The following SEMA4F variants were observed in gnomAD, a reference collection of about 807,000 sequenced individuals.
SEMA4F encodes ssemaphorin 4F.
A neutral mutation model predicts 78.4 loss-of-function variants in SEMA4F; 51 were observed. The observed-to-expected ratio is 0.65, with a 90% CI of 0.52 to 0.82. The LOEUF (loss-of-function observed/expected upper bound fraction) is 0.82. Ranked by LOEUF, SEMA4F falls within the 40% of genes least tolerant of loss-of-function variation. The probability of loss-of-function intolerance (pLI) is 0.00; values close to 1 mark genes in which losing one functional copy is unlikely to be tolerated. For synonymous variants in SEMA4F, 418 were observed against 408.7 expected, an observed-to-expected ratio of 1.02 and a Z score of -0.27; for missense variants, 938 against 1,014.4, an observed-to-expected ratio of 0.92 and a Z score of 1.02.
At chr2:74,664,969 A>C (rs974612967) in intron 5 of SEMA4F, among the ~76,000 whole-genome samples, 3 of 152,114 alleles carry the variant, frequency 2.0e-5, no homozygotes, top group Admixed American at 6.5e-5. Flanking sequence ...GATGAATCGC[A>C]TGAGGGGGGA....
chr2:74,661,992 T>C (rs765552246), intron 4 of SEMA4F, among the ~76,000 whole-genome samples: 6 of 152,246 alleles, frequency 3.9e-5, no homozygotes, highest in Non-Finnish European at 8.8e-5. Context: ...CCTCTCTTAG[T>C]GCCAAATGCT....
chr2:74,684,399 T>G (rs1359465354), downstream of SEMA4F, among the ~76,000 whole-genome samples: 4 of 152,106 alleles, frequency 2.6e-5, no homozygotes, highest in Non-Finnish European at 5.9e-5. Flanking sequence ...TTAAAACATT[T>G]GTTACTCATG....
chr2:74,659,796 T>C lies in SEMA4F; in HGVS notation c.456+1845T>C, dbSNP rs150710557. On this transcript the variant is annotated intron_variant, in intron 4 of 13. Transcript: ENST00000357877. ...CTGAACCTCTCATGTCCTAGACTGATGACTTTGAGACTGTATATAAACAAT... is the reference window on the plus strand; with the variant it reads ...CTGAACCTCTCATGTCCTAGACTGACGACTTTGAGACTGTATATAAACAAT... Among the ~76,000 whole-genome samples the C allele has an allele frequency of 3.2e-4, 48 of 152,364 alleles. 1 individual carries two copies. The East Asian group carries it at 8.1e-3, about 26-fold the overall frequency.
rs544963327 is a variant in SEMA4F at position 74,679,025 on chromosome 2, C to A, written c.1644-251C>A. 7.0e-4 allele frequency among the ~76,000 whole-genome samples: 106 copies of A among 152,254 alleles called. 1 individual carries two copies. Among genetic ancestry groups the A allele is most frequent in the African/African-American group, 2.4e-3 (100 of 41,546 alleles). On this transcript the variant is annotated intron_variant, in intron 12 of 13. Coordinates refer to ENST00000357877, the MANE Select transcript of SEMA4F (RefSeq NM_004263.5). ...CCCCACTAAACATCTTTACAACAGA[C>A]CTAGTGCAAATTTAGCTATCACTGG...
chr2:74,678,621 C>T (rs1436423249), intron 12 of SEMA4F, among the ~76,000 whole-genome samples: 1 of 152,124 alleles, frequency 6.6e-6, no homozygotes, highest in Non-Finnish European at 1.5e-5. Flanking sequence ...GCGAGTGGTG[C>T]CAGAGAGTTC....
the SEMA4F span, among the ~76,000 whole-genome samples, chr2:74,694,398 C>G: frequency 1.3e-5 from 2 of 152,154 alleles, no homozygotes; most frequent in African/African-American, 4.8e-5. Context: ...ACCAAGAGCC[C>G]TTTTGAACTC....
intron 1 of SEMA4F, among the ~76,000 whole-genome samples, chr2:74,655,745 T>C (rs1254403817): frequency 1.3e-5 from 2 of 152,124 alleles, no homozygotes; most frequent in African/African-American, 4.8e-5. Flanking sequence ...CCAGGGCTTA[T>C]ACTAAGCATG....
At chr2:74,689,428 A>G in the SEMA4F span, among the ~76,000 whole-genome samples, 1 of 152,208 alleles carries the variant, frequency 6.6e-6, no homozygotes, top group Admixed American at 6.5e-5. Context: ...TACACACTCT[A>G]TGGAGGGCAT....
At position 74,680,300 on chromosome 2, in the gene SEMA4F, C is replaced by T. The variant is rs1257334946; in HGVS notation, c.*91C>T. 1.4e-6 allele frequency: 2 copies of T among 1,421,466 alleles called. No individual in the cohort carries two copies. 88.1% of individuals were successfully genotyped at this position (1,421,466 alleles called of 1,614,324 possible). On this transcript the variant is annotated 3_prime_UTR_variant, in exon 14 of 14. Transcript: ENST00000357877. ...GGTCACTGGGCCTGGAAGACCATCC[C>T]AGCCTCTGAGTTCTCTTTGAGTATG...
the SEMA4F span, among the ~76,000 whole-genome samples, chr2:74,703,003 T>C: frequency 2.0e-5 from 3 of 152,228 alleles, no homozygotes; most frequent in Non-Finnish European, 2.9e-5. Context: ...AGTATGTATT[T>C]ATTGAGCATT....
chr2:74,674,760 G>A, intron 8 of SEMA4F, 84 bp downstream of exon 8: 3 of 1,560,986 alleles, frequency 1.9e-6, no homozygotes, highest in African/African-American at 1.4e-5. Context: ...CTTCCAGAGG[G>A]GGCAGGCTCT....
rs1197541781 is a variant in SEMA4F at position 74,657,548 on chromosome 2, C to T, written c.298-17C>T. ...GTTAGGGGAATCTGGGTGAAATGAT[C>T]ACTTCTCCTTTCTCAGATTGACTGG... On this transcript the variant is annotated splice_polypyrimidine_tract_variant and intron_variant, in intron 2 of 13. Coordinates refer to ENST00000357877, the MANE Select transcript of SEMA4F (RefSeq NM_004263.5). The T allele has an allele frequency of 6.2e-7, 1 of 1,612,648 alleles. No homozygotes were observed. The highest frequency in any genetic ancestry group is 8.5e-7 in the Non-Finnish European group (1 of 1,178,652).
Position 74,679,740 on chromosome 2 carries a change from AGGT to A in SEMA4F, c.1852_1854del (p.Val618del). The A allele has an allele frequency of 6.2e-7, 1 of 1,614,056 alleles. No individual in the cohort carries two copies. Among genetic ancestry groups the A allele is most frequent in the East Asian group, 2.2e-5 (1 of 44,864 alleles). Reference sequence around the variant, plus strand: ...CTCACCCCCCGGCGGGATGGACTGGAGGTGGTGGTGACCCCAGGGGCCATGGGC... The same window carrying A: ...CTCACCCCCCGGCGGGATGGACTGGAGGTGGTGACCCCAGGGGCCATGGGC... On this transcript the variant is annotated inframe_deletion, in exon 14 of 14. Transcript: ENST00000357877.
the SEMA4F span, among the ~76,000 whole-genome samples, chr2:74,701,480 C>T: frequency 2.6e-5 from 4 of 152,184 alleles, no homozygotes; most frequent in South Asian, 2.1e-4. Context: ...TTTATGACTT[C>T]CAACCTCAGC....
the SEMA4F span, among the ~76,000 whole-genome samples, chr2:74,693,953 T>A: frequency 1.3e-5 from 2 of 152,300 alleles, no homozygotes; most frequent in East Asian, 3.9e-4. Context: ...GGATATACTT[T>A]AAAGTAAATT....
chr2:74,694,145 CGTGTGTGTGCAT>C, the SEMA4F span, among the ~76,000 whole-genome samples: 1 of 152,078 alleles, frequency 6.6e-6, no homozygotes, highest in African/African-American at 2.4e-5. Context: ...AATTGCTGCA[CGTGTGTGTGCAT>C]GTGTGTGTGC....
chr2:74,675,835 C>G lies in SEMA4F; in HGVS notation c.1569C>G (p.Ile523Met). 3 of 1,614,244 alleles carry G rather than the reference C, an allele frequency of 1.9e-6. No homozygotes were observed. Among genetic ancestry groups the G allele is most frequent in the Non-Finnish European group, 2.5e-6 (3 of 1,180,042 alleles). Residue 523 changes from isoleucine to methionine, a missense_variant, in exon 12 of 14, where the codon ATC becomes ATG. By Grantham distance (10) the Ile-to-Met change is conservative. Coordinates refer to ENST00000357877, the MANE Select transcript of SEMA4F (RefSeq NM_004263.5). ...CGRLQSCSEC[I>M]LAQDPVCAWS... ...GTCTCCAGAGCTGCTCAGAGTGCAT[C>G]CTGGCCCAGGACCCAGTCTGTGCCT...
the SEMA4F span, among the ~76,000 whole-genome samples, chr2:74,704,800 C>G: frequency 6.6e-6 from 1 of 152,116 alleles, no homozygotes; most frequent in Non-Finnish European, 1.5e-5. Context: ...TATCTTCTCT[C>G]CTTCTCCAAA....
chr2:74,663,625 A>C (rs1424862019), intron 5 of SEMA4F, among the ~76,000 whole-genome samples: 2 of 152,156 alleles, frequency 1.3e-5, no homozygotes, highest in East Asian at 3.9e-4. Context: ...CCAGTGTGTC[A>C]CATAGTGAGA....
Sources: allele counts gnomAD v4.1 joint callset (sites outside exome capture counted in the v4.1 genomes callset), GRCh38; gene constraint gnomAD v4.1.1; transcripts MANE v1.5; gene names NCBI Gene and HGNC (gene_info 2026-07-23, HGNC 2026-07-21).